The following FAM9A variants were observed in gnomAD, a reference collection of about 807,000 sequenced individuals.
FAM9A encodes the protein family with sequence similarity 9 member A.
FAM9A carries 49 observed loss-of-function variants against 25.0 expected under a neutral mutation model. The ratio of observed to expected loss-of-function variants is 1.96; its 90% CI spans 1.56 to 2.48. FAM9A has a LOEUF of 2.48. Ranked by LOEUF, FAM9A falls within the 30% of genes most tolerant of loss-of-function variation. The probability of loss-of-function intolerance (pLI) is 0.00; values close to 1 mark genes in which losing one functional copy is unlikely to be tolerated. For missense variants in FAM9A, 266 were observed against 249.3 expected (o/e 1.07, Z -0.45); for synonymous variants, 80 against 85.1 (o/e 0.94, Z 0.33).
intron 5 of FAM9A, among the ~76,000 whole-genome samples, chrX:8,797,795 A>T (rs1049134261): frequency 9.0e-6 from 1 of 111,422 alleles, no homozygotes; most frequent in African/African-American, 3.3e-5. Flanking sequence ...AATAAAAGAT[A>T]AAAAAACCTG....
chrX:8,791,177 T>C lies in FAM9A; in HGVS notation c.*32-5A>G, dbSNP rs1933465992. On this transcript the variant is annotated splice_polypyrimidine_tract_variant and splice_region_variant and intron_variant, in intron 9 of 9. Transcript: ENST00000381003. The stretch of plus-strand genomic sequence containing the variant: ...AAGTGCCAACTCTTCCAAAAGCTGT[T>C]TCAAAAAAAAATTTAAGTAACTGTG... 7.1e-6 allele frequency: 4 copies of C among 561,778 alleles called. No individual in the cohort carries two copies. Among genetic ancestry groups the C allele is most frequent in the Non-Finnish European group, 1.1e-5 (4 of 371,578 alleles). The allele number at this position is 561,778 out of a possible 1,213,427, so 46.3% of individuals were successfully genotyped here. A position where few individuals can be genotyped will look rare whatever the true frequency, so the allele number is the denominator to read the frequency against.
In FAM9A at chrX:8,796,329, C is replaced by T. The variant is rs148031370; in HGVS notation, c.427G>A (p.Ala143Thr). 6,876 of 1,202,347 alleles carry T rather than the reference C, an allele frequency of 5.7e-3. 15 individuals are homozygous for T. The highest frequency in any genetic ancestry group is 7.1e-3 in the Non-Finnish European group (6,329 of 891,458). ...GTGTTCTTGGTTTTCCTGTAAGCTG[C>T]TTTATCTATTTTTATCATTTCTCTT... Reference protein sequence around the residue: ...AKREMIKIDKAAYRKTKNTIE... With the variant: ...AKREMIKIDKTAYRKTKNTIE... The change falls in exon 6 of 10, where the codon GCA (alanine) becomes ACA (threonine). Residue 143 changes from alanine (A) to threonine (T), a missense_variant. By Grantham distance (58) the Ala-to-Thr change is moderately conservative. Coordinates refer to ENST00000381003, the MANE Select transcript of FAM9A (RefSeq NM_174951.3).
At chrX:8,791,809 G>GT (rs1460891893) in intron 8 of FAM9A, among the ~76,000 whole-genome samples, 1 of 111,832 alleles carries the variant, frequency 8.9e-6, no homozygotes, top group Non-Finnish European at 1.9e-5. Flanking sequence ...AGAGAAAAAT[G>GT]TAACTATGTT....
Position 8,798,447 on chromosome X carries a change from T to C in FAM9A, c.253A>G (p.Arg85Gly). The C allele has an allele frequency of 1.7e-6, 2 of 1,211,927 alleles. No homozygotes were observed. The part of the protein sequence containing the change: ...KDPVRDECEE[R>G]NPFTETREED... ...TCCCTTGTTTCTGTAAAAGGGTTTCTTTCCTCACATTCATCACGGACTGGA... is the reference window on the plus strand; with the variant it reads ...TCCCTTGTTTCTGTAAAAGGGTTTCCTTCCTCACATTCATCACGGACTGGA... The change falls in exon 4 of 10, where the codon AGA (arginine) becomes GGA (glycine). Residue 85 changes from arginine to glycine, a missense_variant. By Grantham distance (125) the Arg-to-Gly change is moderately radical. Coordinates refer to ENST00000381003, the MANE Select transcript of FAM9A (RefSeq NM_174951.3).
At chrX:8,793,557 A>C in intron 8 of FAM9A, 101 bp downstream of exon 8, 1 of 642,890 alleles carries the variant, frequency 1.6e-6, no homozygotes, top group Non-Finnish European at 2.4e-6. Context: ...TTTAAAATGC[A>C]TAACCAAAAT....
chrX:8,799,666 C>T (rs1387267346), intron 2 of FAM9A, among the ~76,000 whole-genome samples: 2 of 62,021 alleles, frequency 3.2e-5, no homozygotes, highest in African/African-American at 1.3e-4. Context: ...CCCCTGCCCC[C>T]ATCCCTGGCC....
chrX:8,798,371 T>C lies in FAM9A; in HGVS notation c.329A>G (p.Asp110Gly). Residue 110 changes from aspartate to glycine, a missense_variant, in exon 4 of 10, where the codon GAT becomes GGT. Coordinates refer to ENST00000381003, the MANE Select transcript of FAM9A (RefSeq NM_174951.3). ...TTAAACACTTTACCCCGTGTGTTCATCTTTTTCAGCAAAAGGTTCTCTTTC... is the reference window on the plus strand; with the variant it reads ...TTAAACACTTTACCCCGTGTGTTCACCTTTTTCAGCAAAAGGTTCTCTTTC... The part of the protein sequence containing the change: ...HGEREPFAEK[D>G]EHTGIHTMKL... The C allele has an allele frequency of 8.3e-7, 1 of 1,211,827 alleles. No homozygotes were observed. Among genetic ancestry groups the C allele is most frequent in the East Asian group, 3.0e-5 (1 of 33,835 alleles).
chrX:8,794,646 T>A (rs1420948398), intron 7 of FAM9A, among the ~76,000 whole-genome samples: 1 of 111,312 alleles, frequency 9.0e-6, no homozygotes, highest in African/African-American at 3.3e-5. Context: ...AGGAGTCTGT[T>A]GAGACCCGAC....
At chrX:8,792,909 A>G (rs371048341) in intron 8 of FAM9A, among the ~76,000 whole-genome samples, 64 of 112,523 alleles carry the variant, frequency 5.7e-4, no homozygotes, top group African/African-American at 2.0e-3. Flanking sequence ...CTAATGTGCT[A>G]TACGACAGCA....
intron 8 of FAM9A, among the ~76,000 whole-genome samples, chrX:8,793,010 T>C (rs772916259): frequency 6.2e-5 from 7 of 112,499 alleles, no homozygotes; most frequent in Non-Finnish European, 1.1e-4. Flanking sequence ...CAAATTGTCA[T>C]GTAAAACCAT....
At chrX:8,796,641 T>C (rs778621359) in intron 5 of FAM9A, among the ~76,000 whole-genome samples, 5 of 112,065 alleles carry the variant, frequency 4.5e-5, no homozygotes, top group African/African-American at 1.6e-4. Flanking sequence ...AGCAAGTAAT[T>C]TTCGATTTTT....
At chrX:8,792,606 C>G (rs1439199024) in intron 8 of FAM9A, among the ~76,000 whole-genome samples, 1 of 111,823 alleles carries the variant, frequency 8.9e-6, no homozygotes, top group Non-Finnish European at 1.9e-5. Flanking sequence ...GTCTCATGTT[C>G]ATACCAATTA....
rs1369675905 is a variant in FAM9A, at chrX:8,793,713, C to A, written c.875G>T (p.Gly292Val). Reference protein sequence around the residue: ...EKQKRWQQPTGVRSWRLREMK... With the variant: ...EKQKRWQQPTVVRSWRLREMK... ...CTCTCTCAGCCTCCAGCTCCTAACA[C>A]CTGTAGGTTGTTGCCACCTCTTCTG... Residue 292 changes from glycine (G) to valine (V), a missense_variant, in exon 8 of 10, where the codon GGT becomes GTT. By Grantham distance (109) the Gly-to-Val change is moderately radical (BLOSUM62 -3). Transcript: ENST00000381003. The A allele has an allele frequency of 8.3e-7, 1 of 1,209,489 alleles. No individual in the cohort carries two copies. Among genetic ancestry groups the A allele is most frequent in the African/African-American group, 1.7e-5 (1 of 57,313 alleles).
At position 8,800,225 on chromosome X, in the gene FAM9A, G is replaced by C; in HGVS notation, c.-38-16C>G. 2.6e-6 allele frequency: 3 copies of C among 1,169,451 alleles called. No individual in the cohort carries two copies. The highest frequency in any genetic ancestry group is 3.5e-6 in the Non-Finnish European group (3 of 864,712). On this transcript the variant is annotated splice_polypyrimidine_tract_variant and intron_variant, in intron 1 of 9. Transcript: ENST00000381003. ...ATCCCTGAACCTGGTTGAGTGCAAA[G>C]TCAAACTAAGTAAGCTAAGGAAACA...
chrX:8,799,980 C>T (rs1309056026), intron 2 of FAM9A, 101 bp downstream of exon 2: 17 of 888,347 alleles, frequency 1.9e-5, no homozygotes, highest in Middle Eastern at 2.8e-4. Context: ...CCTCTTAGCA[C>T]GTGCATGGTG....
Position 8,795,203 on chromosome X carries a change from C to CCTCTTCTTTCTCCTCCTCCTCCTCCTT in FAM9A, c.679_705dup (p.Lys227_Glu235dup), listed in dbSNP as rs1327846903. The stretch of plus-strand genomic sequence containing the variant: ...CCTTCTTCTTCTCCTTCTTCTTCCT[C>CCTCTTCTTTCTCCTCCTCCTCCTCCTT]CTCTTCTTTCTCCTCCTCCTCCTCC... On this transcript the variant is annotated inframe_insertion, in exon 7 of 10. Transcript: ENST00000381003. The CCTCTTCTTTCTCCTCCTCCTCCTCCTT allele has an allele frequency of 1.0e-5, 11 of 1,051,306 alleles. No individual in the cohort carries two copies. The highest frequency in any genetic ancestry group is 1.3e-5 in the Non-Finnish European group (10 of 776,079). 86.6% of individuals were successfully genotyped at this position (1,051,306 alleles called of 1,213,427 possible).
At chrX:8,799,559 C>T (rs893617542) in intron 2 of FAM9A, among the ~76,000 whole-genome samples, 4 of 101,184 alleles carry the variant, frequency 4.0e-5, no homozygotes, top group African/African-American at 1.5e-4. Flanking sequence ...TCGAACTGTC[C>T]CCCACAACAC....
chrX:8,794,532 G>A (rs189174231), intron 7 of FAM9A, among the ~76,000 whole-genome samples: 1 of 111,646 alleles, frequency 9.0e-6, no homozygotes, highest in Non-Finnish European at 1.9e-5. Flanking sequence ...TGGGGCTGCA[G>A]TGTCCCAGCC....
intron 7 of FAM9A, among the ~76,000 whole-genome samples, chrX:8,794,657 A>G (rs1336010721): frequency 9.0e-6 from 1 of 111,204 alleles, no homozygotes; most frequent in African/African-American, 3.3e-5. Flanking sequence ...GAGACCCGAC[A>G]CCCACTGAAT....
Sources: gnomAD v4.1 joint callset for allele counts (sites outside exome capture counted in the v4.1 genomes callset) on GRCh38, gnomAD v4.1.1 for gene constraint, MANE v1.5 for transcripts, NCBI Gene and HGNC (gene_info 2026-07-23, HGNC 2026-07-21) for gene names.